Variants in ADAMTSL4 observed in about 807,000 individuals in gnomAD.
ADAMTSL4 encodes the protein ADAMTS-like protein 4.
In ADAMTSL4, 97 loss-of-function variants were observed where a neutral mutation model predicts 122.8. That is an observed-to-expected ratio of 0.79 (90% CI 0.67 to 0.93). The LOEUF (loss-of-function observed/expected upper bound fraction) is 0.93. Ranked by LOEUF, ADAMTSL4 falls within the 40% of genes least tolerant of loss-of-function variation. The probability of loss-of-function intolerance (pLI) is 0.00; values close to 1 mark genes in which losing one functional copy is unlikely to be tolerated. For missense variants in ADAMTSL4, 1,408 were observed against 1,453.5 expected, an observed-to-expected ratio of 0.97 and a Z score of 0.51; for synonymous variants, 592 against 568.0, an observed-to-expected ratio of 1.04 and a Z score of -0.60.
Position 150,558,988 on chromosome 1 carries a change from C to T in ADAMTSL4, c.2586C>T (p.Ile862=), listed in dbSNP as rs776345918. 8 of 1,610,492 alleles carry T rather than the reference C, an allele frequency of 5.0e-6. No individual in the cohort carries two copies. The highest frequency in any genetic ancestry group is 6.8e-6 in the Non-Finnish European group (8 of 1,179,442). The stretch of plus-strand genomic sequence containing the variant: ...GCTCAGCCGAGTGTGGGACGGGAAT[C>T]CAGCGGCGCTCTGTGGTCTGCCTTG... ...SKCSAECGTG[I]QRRSVVCLGS... is the part of the protein sequence containing the mutation. Residue 862 remains isoleucine (I), a synonymous_variant, in exon 16 of 19, where the codon ATC becomes ATT. Transcript: ENST00000271643.
chr1:150,556,148 C>T lies in ADAMTSL4; in HGVS notation c.1372-14C>T, dbSNP rs1260318386. ...TGGCGTTCTGTGGCCACTGCCTCAC[C>T]TCACTCTCTCCAGAGCCCCGGCTGT... On this transcript the variant is annotated splice_polypyrimidine_tract_variant and intron_variant, in intron 8 of 18. Coordinates refer to ENST00000271643, the MANE Select transcript of ADAMTSL4 (RefSeq NM_019032.6). This position sits in a 1 kb window ranked among gnomAD's most constrained non-coding sequence, Gnocchi z 4.1. 1 of 1,613,744 alleles carries T rather than the reference C, an allele frequency of 6.2e-7. No homozygotes were observed. The highest frequency in any genetic ancestry group is 8.5e-7 in the Non-Finnish European group (1 of 1,179,934).
Position 150,559,007 on chromosome 1 carries a change from T to C in ADAMTSL4, c.2605T>C (p.Cys869Arg). The change falls in exon 16 of 19, where the codon TGC becomes CGC. Residue 869 changes from cysteine (C) to arginine (R), a missense_variant. By Grantham distance (180) the Cys-to-Arg change is radical (BLOSUM62 -3). Transcript: ENST00000271643. The surrounding 1 kb of genome is among the most constrained non-coding windows in gnomAD (Gnocchi z 4.1). The stretch of plus-strand genomic sequence containing the variant: ...GGGAATCCAGCGGCGCTCTGTGGTC[T>C]GCCTTGGGAGTGGGGCAGCCCTCGG... Reference protein sequence around the residue: ...GTGIQRRSVVCLGSGAALGPG... With the variant: ...GTGIQRRSVVRLGSGAALGPG... The C allele has an allele frequency of 6.2e-7, 1 of 1,611,780 alleles. No homozygotes were observed. The highest frequency in any genetic ancestry group is 8.5e-7 in the Non-Finnish European group (1 of 1,179,784).
Position 150,556,155 on chromosome 1 carries a change from T to G in ADAMTSL4, c.1372-7T>G, listed in dbSNP as rs1672087485. On this transcript the variant is annotated splice_region_variant and splice_polypyrimidine_tract_variant and intron_variant, in intron 8 of 18. Coordinates refer to ENST00000271643, the MANE Select transcript of ADAMTSL4 (RefSeq NM_019032.6). This position sits in a 1 kb window ranked among gnomAD's most constrained non-coding sequence, Gnocchi z 4.1. ...CTGTGGCCACTGCCTCACCTCACTC[T>G]CTCCAGAGCCCCGGCTGTGATGGGA... 1 of 1,613,682 alleles carries G rather than the reference T, an allele frequency of 6.2e-7. No individual in the cohort carries two copies. The highest frequency in any genetic ancestry group is 1.3e-5 in the African/African-American group (1 of 74,896).
intron 15 of ADAMTSL4, 48 bp downstream of exon 15, chr1:150,558,697 C>T: frequency 6.2e-7 from 1 of 1,612,764 alleles, no homozygotes; most frequent in East Asian, 2.2e-5. Context: ...GTAACCACGC[C>T]CAGGACACCT....
chr1:150,552,317 A>G lies in ADAMTSL4; in HGVS notation c.20+9A>G. On this transcript the variant is annotated intron_variant, in intron 3 of 18. Transcript: ENST00000271643. The surrounding 1 kb of genome is among the most constrained non-coding windows in gnomAD (Gnocchi z 4.0). ...GAGAACTGGACTGGCAGGTGAGAGA[A>G]GGGGCCACGGGTTGGGGGGGAGGAA... is the stretch of plus-strand genomic sequence containing the variant. 6.4e-7 allele frequency: 1 copy of G among 1,551,034 alleles called. No individual in the cohort carries two copies.
rs1330074820 is a variant in ADAMTSL4, at chr1:150,553,847, T to G, written c.856T>G (p.Ser286Ala). The G allele has an allele frequency of 6.2e-7, 1 of 1,613,912 alleles. No individual in the cohort carries two copies. The highest frequency in any genetic ancestry group is 2.2e-5 in the East Asian group (1 of 44,874). ...ATCCCCTCAGCCACGAAGGCCAAGT[T>G]CCCAGGGTTGGGCCAGTCCCCAGGT... ...RASPQPRRPS[S>A]QGWASPQVAG... The change falls in exon 6 of 19, where the codon TCC becomes GCC. Residue 286 changes from serine to alanine, a missense_variant. Ser to Ala is a moderately conservative substitution (Grantham distance 99). Transcript: ENST00000271643.
intron 14 of ADAMTSL4, 63 bp from the exon 15 acceptor site, chr1:150,558,410 A>T (rs587661384): frequency 1.2e-6 from 2 of 1,605,944 alleles, no homozygotes; most frequent in South Asian, 2.2e-5. Flanking sequence ...TGAAGCCTAG[A>T]GCTGGAAGCT....
Position 150,559,064 on chromosome 1 carries a change from G to A in ADAMTSL4, c.2662G>A (p.Gly888Arg). ...PGQGEAGAGT[G>R]QSCPTGSRPP... is the part of the protein sequence containing the mutation. The stretch of plus-strand genomic sequence containing the variant: ...CCAGGGGGAAGCAGGAGCAGGAACT[G>A]GGCAGAGCTGTCCAACAGGAAGCCG... Residue 888 changes from glycine to arginine, a missense_variant, in exon 16 of 19, where the codon GGG (glycine) becomes AGG (arginine). Coordinates refer to ENST00000271643, the MANE Select transcript of ADAMTSL4 (RefSeq NM_019032.6). This position sits in a 1 kb window ranked among gnomAD's most constrained non-coding sequence, Gnocchi z 4.1. 2.5e-6 allele frequency: 4 copies of A among 1,612,658 alleles called. No individual in the cohort carries two copies. Among genetic ancestry groups the A allele is most frequent in the Non-Finnish European group, 3.4e-6 (4 of 1,179,944 alleles).
At position 150,558,104 on chromosome 1, in the gene ADAMTSL4, G is replaced by A; in HGVS notation, c.2337G>A (p.Gln779=). The change falls in exon 14 of 19, where the codon CAG becomes CAA. Residue 779 remains glutamine, a synonymous_variant. Transcript: ENST00000271643. ...GGCCCAACATCACCCAGTCTTGCCA[G>A]CTGCGCCTCTGTGGCCATTGGGAAG... is the stretch of plus-strand genomic sequence containing the variant. The part of the protein sequence containing the change: ...LPRPNITQSC[Q]LRLCGHWEVG... 1 of 1,613,326 alleles carries A rather than the reference G, an allele frequency of 6.2e-7. No homozygotes were observed. The highest frequency in any genetic ancestry group is 8.5e-7 in the Non-Finnish European group (1 of 1,180,038).
rs1671205455 is a variant in ADAMTSL4 at position 150,549,676 on chromosome 1, C to T, written c.-158-146C>T. Reference sequence around the variant, plus strand: ...ATCTTCCAGCCCCTGGGGTCGAATTCCTGGGGAGGGAGTCTGATCCCGTGG... The same window carrying T: ...ATCTTCCAGCCCCTGGGGTCGAATTTCTGGGGAGGGAGTCTGATCCCGTGG... On this transcript the variant is annotated intron_variant, in intron 1 of 18. Transcript: ENST00000271643. This position sits in a 1 kb window ranked among gnomAD's most constrained non-coding sequence, Gnocchi z 5.0. The T allele has an allele frequency of 6.6e-6, 1 of 152,500 alleles. No individual in the cohort carries two copies. The highest frequency in any genetic ancestry group is 2.4e-5 in the African/African-American group (1 of 41,448). The allele number at this position is 152,500 out of a possible 1,614,324, so 9.4% of individuals were successfully genotyped here.
Position 150,557,006 on chromosome 1 carries a change from T to G in ADAMTSL4, c.1817T>G (p.Leu606Arg), listed in dbSNP as rs773088407. The G allele has an allele frequency of 6.2e-7, 1 of 1,613,800 alleles. No individual in the cohort carries two copies. Among genetic ancestry groups the G allele is most frequent in the Non-Finnish European group, 8.5e-7 (1 of 1,179,956 alleles). Residue 606 changes from leucine to arginine, a missense_variant, in exon 11 of 19, where the codon CTT (leucine) becomes CGT (arginine). Coordinates refer to ENST00000271643, the MANE Select transcript of ADAMTSL4 (RefSeq NM_019032.6). ...GTCATCTCTTCACCTCCTCCAATCCTTGAGAACCCCACCCCAGAGCCCCCT... is the reference window on the plus strand; with the variant it reads ...GTCATCTCTTCACCTCCTCCAATCCGTGAGAACCCCACCCCAGAGCCCCCT... ...QYVISSPPPI[L>R]ENPTPEPPVP...
chr1:150,553,544 C>T lies in ADAMTSL4; in HGVS notation c.553C>T (p.Leu185=), dbSNP rs925625830. 14 of 1,613,940 alleles carry T rather than the reference C, an allele frequency of 8.7e-6. No homozygotes were observed. The highest frequency in any genetic ancestry group is 6.7e-5 in the Admixed American group (4 of 59,998). The change falls in exon 6 of 19, where the codon CTG becomes TTG. Residue 185 remains leucine (L), a synonymous_variant. Coordinates refer to ENST00000271643, the MANE Select transcript of ADAMTSL4 (RefSeq NM_019032.6). ...PRSPPRSELS[L]ISSRGEEAIP... is the part of the protein sequence containing the mutation. ...GAGCCCACCCAGATCTGAGCTGTCC[C>T]TGATCTCTTCTAGAGGGGAAGAGGC...
rs184586386 is a variant in ADAMTSL4, at chr1:150,551,403, A to G, written c.-84-802A>G. ...TGCCTGGATGTTCCCTAAAGAGCTT[A>G]TCTAAGAAGGGAAGAGAAAGCCGGG... On this transcript the variant is annotated intron_variant, in intron 2 of 18. Coordinates refer to ENST00000271643, the MANE Select transcript of ADAMTSL4 (RefSeq NM_019032.6). 2.5e-4 allele frequency: 53 copies of G among 210,662 alleles called. No homozygotes were observed. The East Asian group carries it at 5.2e-3, about 21-fold the overall frequency. The allele number at this position is 210,662 out of a possible 1,614,324, so 13.0% of individuals were successfully genotyped here. A position where few individuals can be genotyped will look rare whatever the true frequency, so the allele number is the denominator to read the frequency against.
rs767817205 is a variant in ADAMTSL4, at chr1:150,553,964, G to A, written c.973G>A (p.Gly325Arg). The A allele has an allele frequency of 1.1e-5, 18 of 1,610,158 alleles. No homozygotes were observed. The highest frequency in any genetic ancestry group is 8.0e-5 in the African/African-American group (6 of 74,836). The change falls in exon 6 of 19, where the codon GGG becomes AGG. Residue 325 changes from glycine to arginine, a missense_variant. Coordinates refer to ENST00000271643, the MANE Select transcript of ADAMTSL4 (RefSeq NM_019032.6). Reference protein sequence around the residue: ...GPWGTGGTPHGPRLEPDPQHP... With the variant: ...GPWGTGGTPHRPRLEPDPQHP... ...TTGGGGAACGGGGGGGACTCCTCAC[G>A]GGCCCCGCCTGGAGCCTGACCCTCA... is the stretch of plus-strand genomic sequence containing the variant.
At chr1:150,558,392 C>A in intron 14 of ADAMTSL4, 81 bp from the exon 15 acceptor site, 1 of 1,598,068 alleles carries the variant, frequency 6.3e-7, no homozygotes. Flanking sequence ...GAAGGCAGAG[C>A]CTGGTTCTGA....
In ADAMTSL4 at chr1:150,552,344, A is replaced by G; in HGVS notation, c.20+36A>G. The G allele has an allele frequency of 6.4e-7, 1 of 1,551,172 alleles. No homozygotes were observed. Among genetic ancestry groups the G allele is most frequent in the Non-Finnish European group, 8.7e-7 (1 of 1,145,122 alleles). ...GGGCCACGGGTTGGGGGGGAGGAAA[A>G]GGGGAGGTGCTGGGATGGCTCTGTG... On this transcript the variant is annotated intron_variant, in intron 3 of 18. Transcript: ENST00000271643. The surrounding 1 kb of genome is among the most constrained non-coding windows in gnomAD (Gnocchi z 4.0).
rs760579260 is a variant in ADAMTSL4 at position 150,558,228 on chromosome 1, T to C, written c.2382+79T>C. ...AACAGCAGTGGTTTTTCAACTTCTTTTTCATCAGCAGAAACTATTTACAAA... is the reference window on the plus strand; with the variant it reads ...AACAGCAGTGGTTTTTCAACTTCTTCTTCATCAGCAGAAACTATTTACAAA... On this transcript the variant is annotated intron_variant, in intron 14 of 18. Coordinates refer to ENST00000271643, the MANE Select transcript of ADAMTSL4 (RefSeq NM_019032.6). The C allele has an allele frequency of 4.6e-5, 74 of 1,596,774 alleles. No individual in the cohort carries two copies. In the Middle Eastern group the frequency reaches 6.7e-4, roughly 14 times the overall value.
Position 150,552,085 on chromosome 1 carries a change from C to G in ADAMTSL4, c.-84-120C>G. On this transcript the variant is annotated intron_variant, in intron 2 of 18. Coordinates refer to ENST00000271643, the MANE Select transcript of ADAMTSL4 (RefSeq NM_019032.6). The surrounding 1 kb of genome is among the most constrained non-coding windows in gnomAD (Gnocchi z 4.0). ...AGGCAGTGATCCTCCCTGCTCCCAC[C>G]CTGAGGATCCTAAAGGGATGGACCA... is the stretch of plus-strand genomic sequence containing the variant. The G allele has an allele frequency of 1.6e-6, 1 of 615,444 alleles. No individual in the cohort carries two copies. The highest frequency in any genetic ancestry group is 2.9e-6 in the Non-Finnish European group (1 of 342,096). 38.1% of individuals were successfully genotyped at this position (615,444 alleles called of 1,614,324 possible). A position where few individuals can be genotyped will look rare whatever the true frequency, so the allele number is the denominator to read the frequency against.
Position 150,559,328 on chromosome 1 carries a change from C to T in ADAMTSL4, c.2805C>T (p.Ile935=). The part of the protein sequence containing the change: ...ECGSGTQRRD[I]ICVSKLGTEF... The stretch of plus-strand genomic sequence containing the variant: ...GCTCTGGCACACAGCGTAGAGACAT[C>T]ATCTGTGTATCCAAACTGGGGACGG... The change falls in exon 17 of 19, where the codon ATC becomes ATT. Residue 935 remains isoleucine (I), a synonymous_variant. Transcript: ENST00000271643. The surrounding 1 kb of genome is among the most constrained non-coding windows in gnomAD (Gnocchi z 4.1). The T allele has an allele frequency of 6.2e-7, 1 of 1,614,084 alleles. No individual in the cohort carries two copies. Among genetic ancestry groups the T allele is most frequent in the East Asian group, 2.2e-5 (1 of 44,886 alleles).
Sources: gnomAD v4.1 joint callset for allele counts on GRCh38, gnomAD v4.1.1 for gene constraint, Gnocchi (gnomAD v3.1) non-coding constraint, MANE v1.5 for transcripts, NCBI Gene and HGNC (gene_info 2026-07-23, HGNC 2026-07-21) for gene names.